The following SPEN variants were observed in gnomAD, a reference collection of about 807,000 sequenced individuals.
SPEN encodes the protein spen family transcriptional repressor.
In SPEN, 18 loss-of-function variants were observed where a neutral mutation model predicts 269.9. That is an observed-to-expected ratio of 0.07 (90% CI 0.05 to 0.10). The LOEUF is 0.10. Among genes scored for constraint, SPEN ranks in the 10% least tolerant of loss-of-function variants. The pLI is 1.00. For synonymous variants in SPEN, 1,726 were observed against 1,765.7 expected (o/e 0.98, Z 0.56); for missense variants, 3,822 against 4,631.2 (o/e 0.83, Z 5.07).
At chr1:15,916,031 A>G in intron 5 of SPEN, 97 bp from the exon 6 acceptor site, 1 of 1,377,590 alleles carries the variant, frequency 7.3e-7, no homozygotes, top group Non-Finnish European at 9.8e-7. Context: ...CCATTATTTC[A>G]GACATTTTGT....
In SPEN at chr1:15,940,099, A is replaced by C. The variant is rs991947521; in HGVS notation, c.*672A>C. The C allele has an allele frequency of 2.9e-5, 6 of 209,020 alleles. No homozygotes were observed. The highest frequency in any genetic ancestry group is 4.8e-5 in the Non-Finnish European group (5 of 103,966). The allele number at this position is 209,020 out of a possible 1,614,324, so 12.9% of individuals were successfully genotyped here. On this transcript the variant is annotated 3_prime_UTR_variant, in exon 15 of 15. Coordinates refer to ENST00000375759, the MANE Select transcript of SPEN (RefSeq NM_015001.3). The stretch of plus-strand genomic sequence containing the variant: ...GAACTTGGGATGTGTGTATATATAA[A>C]TATATAATATATATAAATATATATA...
chr1:15,889,113 G>C (rs1262788), intron 3 of SPEN, among the ~76,000 whole-genome samples: 90,137 of 150,510 alleles, frequency 0.6, 27,336 homozygotes, highest in Admixed American at 0.67. Flanking sequence ...GAAAATGTAG[G>C]AATTCTCATT....
In SPEN at chr1:15,928,057, CAAAA is replaced by C. The variant is rs746597300; in HGVS notation, c.1851-33_1851-30del. 3 of 1,535,688 alleles carry C rather than the reference CAAAA, an allele frequency of 2.0e-6. No individual in the cohort carries two copies. The highest frequency in any genetic ancestry group is 2.6e-6 in the Non-Finnish European group (3 of 1,135,180). ...ATTTTATGCATAAGTGATGAGGAAA[CAAAA>C]GAACTAATATCTTTGTTATTTTTTG... On this transcript the variant is annotated intron_variant, in intron 10 of 14. Coordinates refer to ENST00000375759, the MANE Select transcript of SPEN (RefSeq NM_015001.3). This position sits in a 1 kb window ranked among gnomAD's most constrained non-coding sequence, Gnocchi z 5.7.
rs771360367 is a variant in SPEN at position 15,931,040 on chromosome 1, A to C, written c.4800A>C (p.Lys1600Asn). Residue 1600 changes from lysine (K) to asparagine (N), a missense_variant, in exon 11 of 15, where the codon AAA (lysine) becomes AAC (asparagine). Physicochemically the swap from Lys to Asn is moderately conservative, Grantham distance 94 (BLOSUM62 0). Around this residue, in one of 16 missense-constraint regions of SPEN, gnomAD observed 533 missense variants for 618.8 expected, o/e 0.86. Transcript: ENST00000375759. The surrounding 1 kb of genome is among the most constrained non-coding windows in gnomAD (Gnocchi z 4.8). Reference protein sequence around the residue: ...LTRMQQKEKEKDQKPKEVEKQ... With the variant: ...LTRMQQKEKENDQKPKEVEKQ... ...GGATGCAACAGAAAGAAAAAGAAAA[A>C]GACCAGAAACCCAAAGAGGTTGAGA... The C allele has an allele frequency of 6.2e-7, 1 of 1,613,580 alleles. No homozygotes were observed.
chr1:15,857,590 CA>C (rs1239750939), intron 1 of SPEN, among the ~76,000 whole-genome samples: 1 of 152,112 alleles, frequency 6.6e-6, no homozygotes, highest in Non-Finnish European at 1.5e-5. Context: ...CTCCTGACCT[CA>C]AGTGATCTGC....
rs761656883 is a variant in SPEN at position 15,932,214 on chromosome 1, G to A, written c.5974G>A (p.Gly1992Ser). ...RSPRSQKTAA[G>S]GGPQGKKGKN... is the part of the protein sequence containing the mutation. ...GCCAAGGTCCCAGAAAACTGCAGCT[G>A]GTGGTGGACCCCAAGGGAAAAAGGG... Residue 1992 changes from glycine to serine, a missense_variant, in exon 11 of 15, where the codon GGT (glycine) becomes AGT (serine). Physicochemically the swap from Gly to Ser is moderately conservative, Grantham distance 56 (BLOSUM62 0). Coordinates refer to ENST00000375759, the MANE Select transcript of SPEN (RefSeq NM_015001.3). The surrounding 1 kb of genome is among the most constrained non-coding windows in gnomAD (Gnocchi z 4.2). 9 of 1,612,970 alleles carry A rather than the reference G, an allele frequency of 5.6e-6. No individual in the cohort carries two copies. The South Asian group carries it at 9.9e-5, about 18-fold the overall frequency.
intron 3 of SPEN, among the ~76,000 whole-genome samples, chr1:15,896,384 C>T (rs1032527563): frequency 5.3e-5 from 8 of 151,180 alleles, no homozygotes; most frequent in South Asian, 2.1e-4. Flanking sequence ...TTTGTAGAGA[C>T]GTGGTTTCAC....
intron 1 of SPEN, among the ~76,000 whole-genome samples, chr1:15,861,032 G>A (rs2070443124): frequency 6.6e-6 from 1 of 152,000 alleles, no homozygotes; most frequent in African/African-American, 2.4e-5. Context: ...AGCCTCCCAA[G>A]TAGCTTGGAC....
chr1:15,900,802 T>C (rs2148723826), intron 3 of SPEN, among the ~76,000 whole-genome samples: 1 of 152,220 alleles, frequency 6.6e-6, no homozygotes, highest in South Asian at 2.1e-4. Context: ...CTATTCACAT[T>C]TGAGACCAGA....
At chr1:15,905,679 TCTC>T (rs1356169833) in intron 3 of SPEN, among the ~76,000 whole-genome samples, 2 of 152,004 alleles carry the variant, frequency 1.3e-5, no homozygotes, top group Non-Finnish European at 2.9e-5. Flanking sequence ...TTCAAGCAGT[TCTC>T]CTGCCTCAGC....
chr1:15,868,294 A>G (rs1355694892), intron 1 of SPEN, among the ~76,000 whole-genome samples: 1 of 151,852 alleles, frequency 6.6e-6, no homozygotes, highest in Non-Finnish European at 1.5e-5. Context: ...GACTTGAGCC[A>G]CTGTGTCCAG....
At position 15,928,166 on chromosome 1, in the gene SPEN, T is replaced by C. The variant is rs373338584; in HGVS notation, c.1926T>C (p.Tyr642=). ...AGAGTGTTCGAACTCCAGGCACTTA[T>C]CCTGAGGATTCCAGGCGGGACTATC... ...YYESVRTPGT[Y]PEDSRRDYPA... The change falls in exon 11 of 15, where the codon TAT becomes TAC. Residue 642 remains tyrosine, a synonymous_variant. Transcript: ENST00000375759. The surrounding 1 kb of genome is among the most constrained non-coding windows in gnomAD (Gnocchi z 5.7). 3.3e-5 allele frequency: 54 copies of C among 1,614,046 alleles called. No individual in the cohort carries two copies. Among genetic ancestry groups the C allele is most frequent in the Admixed American group, 8.3e-5 (5 of 59,998 alleles).
rs756910882 is a variant in SPEN, at chr1:15,920,843, C to A, written c.1636-27C>A. The A allele has an allele frequency of 5.5e-6, 8 of 1,445,056 alleles. No homozygotes were observed. The East Asian group carries it at 1.4e-4, about 26-fold the overall frequency. 89.5% of individuals were successfully genotyped at this position (1,445,056 alleles called of 1,614,324 possible). On this transcript the variant is annotated intron_variant, in intron 8 of 14. Coordinates refer to ENST00000375759, the MANE Select transcript of SPEN (RefSeq NM_015001.3). ...CTAAGTCCAGTGGATGAGGCTCTTA[C>A]TTGTTTTTTGTTTGTTTGTTTTACA...
intron 2 of SPEN, chr1:15,873,609 A>G (rs1324930299): frequency 1.0e-6 from 1 of 994,188 alleles, no homozygotes; most frequent in African/African-American, 1.7e-5. Context: ...GGATTGTAAC[A>G]AAAAATCTGG....
rs2070293375 is a variant in SPEN at position 15,848,202 on chromosome 1, G to T, written c.83+52G>T. The T allele has an allele frequency of 1.5e-6, 2 of 1,319,620 alleles. No homozygotes were observed. The highest frequency in any genetic ancestry group is 1.0e-6 in the Non-Finnish European group (1 of 985,296). 81.7% of individuals were successfully genotyped at this position (1,319,620 alleles called of 1,614,324 possible). A position where few individuals can be genotyped will look rare whatever the true frequency, so the allele number is the denominator to read the frequency against. ...GCTCGCTCCTCGGGCGCCGCTTCCC[G>T]CCCCGGCCCGTTGCCGGCCCCTCCC... On this transcript the variant is annotated intron_variant, in intron 1 of 14. Coordinates refer to ENST00000375759, the MANE Select transcript of SPEN (RefSeq NM_015001.3). The surrounding 1 kb of genome is among the most constrained non-coding windows in gnomAD (Gnocchi z 5.1).
chr1:15,862,120 T>C (rs1193537250), intron 1 of SPEN, among the ~76,000 whole-genome samples: 2 of 152,172 alleles, frequency 1.3e-5, no homozygotes, highest in Non-Finnish European at 1.5e-5. Flanking sequence ...TTGATGTGGA[T>C]TTTTGCTAAT....
chr1:15,909,347 A>C lies in SPEN; in HGVS notation c.908A>C (p.Asp303Ala). ...AGTGATTCCAGCAGTAGTTCAAGTG[A>C]TGATTCTCCAGCTCGATCAGTTCAG... ...DSSDSSSSSS[D>A]DSPARSVQSA... The change falls in exon 4 of 15, where the codon GAT becomes GCT. Residue 303 changes from aspartate (D) to alanine (A), a missense_variant. By Grantham distance (126) the Asp-to-Ala change is moderately radical. This residue lies in a region of SPEN where 327 missense variants were observed against 350.8 expected (regional missense o/e 0.93). Coordinates refer to ENST00000375759, the MANE Select transcript of SPEN (RefSeq NM_015001.3). 6.2e-7 allele frequency: 1 copy of C among 1,612,596 alleles called. No individual in the cohort carries two copies. The highest frequency in any genetic ancestry group is 8.5e-7 in the Non-Finnish European group (1 of 1,179,536).
chr1:15,937,224 C>T lies in SPEN; in HGVS notation c.10088C>T (p.Ala3363Val), dbSNP rs780471620. Residue 3363 changes from alanine to valine, a missense_variant, in exon 12 of 15, where the codon GCC becomes GTC. Ala to Val is a moderately conservative substitution (Grantham distance 64, BLOSUM62 0). Around this residue, in one of 16 missense-constraint regions of SPEN, gnomAD observed 359 missense variants for 377.3 expected, o/e 0.95. Transcript: ENST00000375759. This position sits in a 1 kb window ranked among gnomAD's most constrained non-coding sequence, Gnocchi z 5.7. ...CAGCCTGTGCAGTCCACACAGCCTG[C>T]CCAGCCTGCACCACCCTGCCCGCCC... is the stretch of plus-strand genomic sequence containing the variant. ...PPQPVQSTQP[A>V]QPAPPCPPSQ... 1 of 1,613,682 alleles carries T rather than the reference C, an allele frequency of 6.2e-7. No homozygotes were observed. The highest frequency in any genetic ancestry group is 1.1e-5 in the South Asian group (1 of 91,068).
At chr1:15,907,110 A>C (rs1014192062) in intron 3 of SPEN, among the ~76,000 whole-genome samples, 1 of 152,116 alleles carries the variant, frequency 6.6e-6, no homozygotes, top group Non-Finnish European at 1.5e-5. Flanking sequence ...AGAGCTAAAA[A>C]TGGTGTGTAA....
Sources: gnomAD v4.1 joint callset for allele counts (sites outside exome capture counted in the v4.1 genomes callset) on GRCh38, gnomAD v4.1.1 for gene constraint, gnomAD v4.1.1 regional missense constraint, Gnocchi (gnomAD v3.1) non-coding constraint, MANE v1.5 for transcripts, NCBI Gene and HGNC (gene_info 2026-07-23, HGNC 2026-07-21) for gene names.